Variants in SATB1 observed in about 807,000 individuals in gnomAD.
The protein encoded by SATB1 is DNA-binding protein SATB1.
In SATB1, 11 loss-of-function variants were observed where a neutral mutation model predicts 86.9. The observed-to-expected ratio is 0.13, with a 90% confidence interval of 0.08 to 0.21. The LOEUF (loss-of-function observed/expected upper bound fraction) is 0.21, where lower values mean the gene tolerates loss of function less well. SATB1 is among the 10% of genes least tolerant of loss of function. The pLI is 1.00. For synonymous variants in SATB1, 357 were observed against 357.2 expected, an observed-to-expected ratio of 1.00 and a Z score of 0.01; for missense variants, 551 against 937.6, an observed-to-expected ratio of 0.59 and a Z score of 5.39.
chr3:18,428,759 C>T (rs1698794076), upstream of SATB1, among the ~76,000 whole-genome samples: 1 of 152,126 alleles, frequency 6.6e-6, no homozygotes, highest in South Asian at 2.1e-4. Context: ...TGGCTACACA[C>T]AAAATTTTTA....
At chr3:18,354,474 CAGA>C (rs1419853174) in intron 9 of SATB1, among the ~76,000 whole-genome samples, 3 of 152,080 alleles carry the variant, frequency 2.0e-5, no homozygotes, top group Non-Finnish European at 4.4e-5. Flanking sequence ...ATAAAGAACA[CAGA>C]AGATTTTTTT....
chr3:18,445,177 A>G (rs2125217684), intron 1 of SATB1: 1 of 956,542 alleles, frequency 1.0e-6, no homozygotes. Context: ...CGGGGCGGCC[A>G]GGGCCCGGCC....
intron 1 of SATB1, chr3:18,421,509 G>A (rs1698396621): frequency 1.3e-5 from 2 of 152,210 alleles, no homozygotes; most frequent in South Asian, 4.1e-4. Flanking sequence ...CATCTCAAAA[G>A]AAGGTAACAA....
chr3:18,397,559 A>G (rs548760953), intron 5 of SATB1, among the ~76,000 whole-genome samples: 1 of 152,316 alleles, frequency 6.6e-6, no homozygotes, highest in East Asian at 1.9e-4. Context: ...ATCTCCATCA[A>G]TGCCATCTAT....
intron 5 of SATB1, among the ~76,000 whole-genome samples, chr3:18,402,185 A>T (rs1476102605): frequency 6.6e-6 from 1 of 152,118 alleles, no homozygotes; most frequent in Admixed American, 6.6e-5. Context: ...TTTAAAAATG[A>T]AGGAAGATGG....
chr3:18,408,633 AAG>A (rs1403872977), intron 5 of SATB1: 4 of 151,838 alleles, frequency 2.6e-5, no homozygotes, highest in African/African-American at 4.8e-5. Context: ...TTTCCAATGA[AAG>A]AGGGGGAAAT....
chr3:18,399,852 G>C (rs1697159202), intron 5 of SATB1, among the ~76,000 whole-genome samples: 1 of 152,040 alleles, frequency 6.6e-6, no homozygotes, highest in Non-Finnish European at 1.5e-5. Flanking sequence ...TATTTTTATT[G>C]GACAATATGC....
intron 10 of SATB1, chr3:18,351,213 TAGGGCCTTTAC>T: frequency 1.1e-6 from 1 of 908,694 alleles, no homozygotes; most frequent in Non-Finnish European, 1.7e-6. Context: ...CCATGGTTAG[TAGGGCCTTTAC>T]AGGTTTGAAA....
At chr3:18,420,527 C>G (rs956968868) in intron 2 of SATB1, among the ~76,000 whole-genome samples, 1 of 152,144 alleles carries the variant, frequency 6.6e-6, no homozygotes, top group Non-Finnish European at 1.5e-5. Context: ...TCCTTATTAC[C>G]CAAAATGTTC....
At chr3:18,387,657 A>C (rs1200251396) in intron 7 of SATB1, among the ~76,000 whole-genome samples, 1 of 152,194 alleles carries the variant, frequency 6.6e-6, no homozygotes, top group Non-Finnish European at 1.5e-5. Context: ...ACATGAAATA[A>C]TGCTTGGAAT....
At position 18,346,975 on chromosome 3, in the gene SATB1, A is replaced by G. The variant is rs1233743879; in HGVS notation, c.*2195T>C. 2.0e-5 allele frequency: 3 copies of G among 152,194 alleles called. No homozygotes were observed. The highest frequency in any genetic ancestry group is 6.5e-5 in the Admixed American group (1 of 15,272). 9.4% of individuals were successfully genotyped at this position (152,194 alleles called of 1,614,324 possible). ...CAGAATGTTTGTTTTCTTACTAAAT[A>G]AAAAGTGGCAACTTTTCAGTACAAT... On this transcript the variant is annotated 3_prime_UTR_variant, in exon 11 of 11. Transcript: ENST00000338745.
chr3:18,439,954 T>G (rs1699193611), upstream of SATB1, among the ~76,000 whole-genome samples: 1 of 152,020 alleles, frequency 6.6e-6, no homozygotes, highest in Non-Finnish European at 1.5e-5. Flanking sequence ...AATGAAGGAG[T>G]TAAGAATATT....
In SATB1 at chr3:18,389,261, G is replaced by GTTT. The variant is rs35192555; in HGVS notation, c.1207-2653_1207-2651dup. On this transcript the variant is annotated intron_variant, in intron 7 of 10. Transcript: ENST00000338745. ...TCTCAGGTGTTTCAGAAACCTTTGG[G>GTTT]TTTTTTTTTTTTTTTTTTTGGCCCA... 7.9e-3 allele frequency among the ~76,000 whole-genome samples: 1,024 copies of GTTT among 129,642 alleles called. 27 individuals are homozygous for GTTT. The highest frequency in any genetic ancestry group is 0.051 in the East Asian group (228 of 4,444). 85.1% of individuals were successfully genotyped at this position (129,642 alleles called of 152,430 possible).
chr3:18,437,890 A>G (rs1699118122), intron 1 of SATB1, among the ~76,000 whole-genome samples: 1 of 152,254 alleles, frequency 6.6e-6, no homozygotes, highest in African/African-American at 2.4e-5. Flanking sequence ...TCATTCATTG[A>G]TAAAATATTT....
chr3:18,405,802 C>T (rs965278304), intron 5 of SATB1, among the ~76,000 whole-genome samples: 4 of 151,906 alleles, frequency 2.6e-5, no homozygotes, highest in East Asian at 1.9e-4. Context: ...AGGGCTAAAC[C>T]GCAGCTTTGA....
chr3:18,358,872 C>T (rs1056202866), intron 9 of SATB1, among the ~76,000 whole-genome samples: 19 of 152,016 alleles, frequency 1.2e-4, no homozygotes, highest in African/African-American at 4.6e-4. Flanking sequence ...AAAATTTGTG[C>T]GTTCCAATAC....
chr3:18,373,933 A>G (rs1695601778), intron 9 of SATB1, among the ~76,000 whole-genome samples: 1 of 152,196 alleles, frequency 6.6e-6, no homozygotes, highest in Admixed American at 6.5e-5. Flanking sequence ...ATATTATACC[A>G]AAAGTATGTT....
At chr3:18,418,078 T>C (rs1227542788) in intron 2 of SATB1, among the ~76,000 whole-genome samples, 1 of 152,136 alleles carries the variant, frequency 6.6e-6, no homozygotes, top group Non-Finnish European at 1.5e-5. Flanking sequence ...AGCAGATGCA[T>C]CTGAATTGTA....
rs61733672 is a variant in SATB1 at position 18,349,560 on chromosome 3, T to C, written c.1902A>G (p.Pro634=). 10,515 of 1,613,966 alleles carry C rather than the reference T, an allele frequency of 6.5e-3. 616 individuals carry two copies. The African/African-American group carries it at 0.12, about 19-fold the overall frequency. ...GTCGGTTTTCCTCATCTGACTCTGC[T>C]GGAGAGGCCACCGTGGGTTGCCGTG... The part of the protein sequence containing the change: ...LPPRQPTVAS[P]AESDEENRQK... The change falls in exon 11 of 11, where the codon CCA becomes CCG. Residue 634 remains proline (P), a synonymous_variant. Transcript: ENST00000338745. This position sits in a 1 kb window ranked among gnomAD's most constrained non-coding sequence, Gnocchi z 5.5.
Sources: allele counts gnomAD v4.1 joint callset (sites outside exome capture counted in the v4.1 genomes callset), GRCh38; gene constraint gnomAD v4.1.1; non-coding constraint Gnocchi (gnomAD v3.1); transcripts MANE v1.5; gene names NCBI Gene and HGNC (gene_info 2026-07-23, HGNC 2026-07-21).